Variants in SORCS2 observed in about 807,000 individuals in gnomAD.
SORCS2 encodes sortilin related VPS10 domain containing receptor 2.
A neutral mutation model predicts 141.6 loss-of-function variants in SORCS2; 100 were observed. The observed-to-expected ratio is 0.71, with a 90% confidence interval of 0.60 to 0.83. SORCS2 has a LOEUF of 0.83. Among genes scored for constraint, SORCS2 ranks in the 40% least tolerant of loss-of-function variants. The pLI, the probability that SORCS2 is intolerant of heterozygous loss-of-function variation, is 0.00. For missense variants in SORCS2, 1,646 were observed against 1,560.2 expected, an observed-to-expected ratio of 1.05 and a Z score of -0.93; for synonymous variants, 789 against 676.9, an observed-to-expected ratio of 1.17 and a Z score of -2.57.
At chr4:7,611,002 A>G (rs1718368664) in intron 3 of SORCS2, among the ~76,000 whole-genome samples, 1 of 152,160 alleles carries the variant, frequency 6.6e-6, no homozygotes, top group African/African-American at 2.4e-5. Flanking sequence ...GTGCAGACAC[A>G]CAGACACTGA....
chr4:7,471,800 C>G (rs569544347), intron 2 of SORCS2, among the ~76,000 whole-genome samples: 2 of 152,208 alleles, frequency 1.3e-5, no homozygotes, highest in African/African-American at 4.8e-5. Context: ...GTGATGTCTG[C>G]GGAATGCAAC....
chr4:7,297,536 G>C (rs1368616624), intron 1 of SORCS2, among the ~76,000 whole-genome samples: 2 of 152,190 alleles, frequency 1.3e-5, no homozygotes, highest in African/African-American at 4.8e-5. Flanking sequence ...GCCCCCTGCT[G>C]AGTCTCCCTG....
At chr4:7,389,570 A>G (rs887703233) in intron 1 of SORCS2, among the ~76,000 whole-genome samples, 1 of 152,152 alleles carries the variant, frequency 6.6e-6, no homozygotes, top group East Asian at 1.9e-4. Context: ...GATCATTCTG[A>G]CACTCCCTGT....
chr4:7,297,460 G>A (rs1455014014), intron 1 of SORCS2, among the ~76,000 whole-genome samples: 2 of 152,098 alleles, frequency 1.3e-5, no homozygotes, highest in African/African-American at 4.8e-5. Flanking sequence ...GATCGGAAGA[G>A]CTCTGGGGGT....
chr4:7,484,169 A>G (rs201770553), intron 2 of SORCS2, among the ~76,000 whole-genome samples: 1 of 152,282 alleles, frequency 6.6e-6, no homozygotes, highest in East Asian at 1.9e-4. Context: ...GGTCCCGGTA[A>G]TCTACTCTCA....
At chr4:7,622,320 T>C (rs899882688) in intron 3 of SORCS2, among the ~76,000 whole-genome samples, 15 of 152,174 alleles carry the variant, frequency 9.9e-5, no homozygotes, top group African/African-American at 3.4e-4. Context: ...CCAGAATTCC[T>C]TGTAGCTTTG....
intron 1 of SORCS2, among the ~76,000 whole-genome samples, chr4:7,321,086 A>G (rs1718866948): frequency 6.6e-6 from 1 of 152,090 alleles, no homozygotes; most frequent in African/African-American, 2.4e-5. Context: ...TTATCCCTCA[A>G]GCCCGTCACT....
chr4:7,247,638 C>CT (rs1224548780), intron 1 of SORCS2, among the ~76,000 whole-genome samples: 2 of 152,062 alleles, frequency 1.3e-5, no homozygotes, highest in African/African-American at 2.4e-5. Context: ...AGGGGCAGCG[C>CT]TTTTTGTTTT....
chr4:7,306,097 G>A (rs562794183), intron 1 of SORCS2, among the ~76,000 whole-genome samples: 119 of 152,254 alleles, frequency 7.8e-4, no homozygotes, highest in Non-Finnish European at 1.3e-3. Context: ...GCAGGGTCCC[G>A]GTGCTCTGTT....
At chr4:7,433,818 G>A (rs376334523) in intron 2 of SORCS2, 8 of 1,613,706 alleles carry the variant, frequency 5.0e-6, no homozygotes, top group Non-Finnish European at 5.9e-6. Flanking sequence ...TCTCTGGGGT[G>A]ATTTTGGCCA....
intron 1 of SORCS2, among the ~76,000 whole-genome samples, chr4:7,373,478 A>ATATATATATATATATATATATATTTT (rs1470691140): frequency 2.7e-5 from 1 of 36,824 alleles, no homozygotes; most frequent in Non-Finnish European, 4.1e-5. Context: ...ATATATATAT[A>ATATATATATATATATATATATATTTT]TTTTTTTTTT....
rs764092673 is a variant in SORCS2 at position 7,740,279 on chromosome 4, C to T, written c.*15C>T. 1.9e-6 allele frequency: 3 copies of T among 1,607,840 alleles called. No individual in the cohort carries two copies. In the East Asian group the frequency reaches 6.7e-5, roughly 36 times the overall value. ...TGGTGAGCTGATGCCACCCCAGCATCTGTCTTTTCACCCACGGAGGGCACA... is the reference window on the plus strand; with the variant it reads ...TGGTGAGCTGATGCCACCCCAGCATTTGTCTTTTCACCCACGGAGGGCACA... On this transcript the variant is annotated 3_prime_UTR_variant, in exon 27 of 27. Transcript: ENST00000507866.
At chr4:7,404,634 A>G (rs187247275) in intron 2 of SORCS2, among the ~76,000 whole-genome samples, 4 of 152,132 alleles carry the variant, frequency 2.6e-5, no homozygotes, top group Admixed American at 2.0e-4. Context: ...CTGCCTGTCG[A>G]CCATGTGTAT....
intron 12 of SORCS2, among the ~76,000 whole-genome samples, chr4:7,701,934 G>A (rs554858556): frequency 7.5e-4 from 114 of 152,264 alleles, no homozygotes; most frequent in African/African-American, 2.5e-3. Flanking sequence ...ATGAGGCCCC[G>A]TTAGGCTCTG....
chr4:7,664,576 T>A lies in SORCS2; in HGVS notation c.1071+105T>A. 1.3e-6 allele frequency: 1 copy of A among 762,252 alleles called. No individual in the cohort carries two copies. Among genetic ancestry groups the A allele is most frequent in the Admixed American group, 2.6e-5 (1 of 38,190 alleles). The allele number at this position is 762,252 out of a possible 1,614,324, so 47.2% of individuals were successfully genotyped here. ...CTCAGAAAAGAGGCAATAAAACGGGTATTTCACTCTCAAATGCTACTTCGC... is the reference window on the plus strand; with the variant it reads ...CTCAGAAAAGAGGCAATAAAACGGGAATTTCACTCTCAAATGCTACTTCGC... On this transcript the variant is annotated intron_variant, in intron 7 of 26. Transcript: ENST00000507866. This position sits in a 1 kb window ranked among gnomAD's most constrained non-coding sequence, Gnocchi z 4.7.
At chr4:7,568,333 A>G (rs1248876487) in intron 3 of SORCS2, among the ~76,000 whole-genome samples, 1 of 152,242 alleles carries the variant, frequency 6.6e-6, no homozygotes, top group Non-Finnish European at 1.5e-5. Context: ...TCCTAATAGC[A>G]TAAGTATTTA....
chr4:7,703,175 A>G, intron 12 of SORCS2, 105 bp from the exon 13 acceptor site: 1 of 886,896 alleles, frequency 1.1e-6, no homozygotes, highest in Non-Finnish European at 1.7e-6. Flanking sequence ...TCTGCCAACA[A>G]CCCCCGGCTG....
intron 2 of SORCS2, among the ~76,000 whole-genome samples, chr4:7,496,837 G>A (rs991491367): frequency 3.9e-5 from 6 of 152,128 alleles, no homozygotes; most frequent in East Asian, 3.9e-4. Context: ...GGCTGGGGAA[G>A]GCACAGGGCT....
At chr4:7,424,475 T>C (rs1463022446) in intron 2 of SORCS2, among the ~76,000 whole-genome samples, 1 of 152,118 alleles carries the variant, frequency 6.6e-6, no homozygotes, top group Non-Finnish European at 1.5e-5. Flanking sequence ...GGCTATAAAA[T>C]CCGGGTCCAC....
Sources: gnomAD v4.1 joint callset for allele counts (sites outside exome capture counted in the v4.1 genomes callset) on GRCh38, gnomAD v4.1.1 for gene constraint, Gnocchi (gnomAD v3.1) non-coding constraint, MANE v1.5 for transcripts, NCBI Gene and HGNC (gene_info 2026-07-23, HGNC 2026-07-21) for gene names.